Variants in KCNIP4 observed in about 807,000 individuals in gnomAD.
The protein encoded by KCNIP4 is potassium voltage-gated channel interacting protein 4, also known as Kv channel-interacting protein 4.
In KCNIP4, 12 loss-of-function variants were observed where a neutral mutation model predicts 34.0. The observed-to-expected ratio is 0.35, with a 90% CI of 0.23 to 0.57. KCNIP4 has a LOEUF of 0.57. KCNIP4 is among the 20% of genes least tolerant of loss of function. KCNIP4 has a pLI of 0.83. For synonymous variants in KCNIP4, 124 were observed against 102.2 expected (o/e 1.21, Z -1.29); for missense variants, 238 against 311.7 (o/e 0.76, Z 1.78).
At chr4:21,390,517 A>G (rs893073443) in intron 1 of KCNIP4, among the ~76,000 whole-genome samples, 3 of 152,152 alleles carry the variant, frequency 2.0e-5, no homozygotes, top group Non-Finnish European at 2.9e-5. Context: ...AGCTTTCTCC[A>G]TATGGCTAGC....
Position 21,240,591 on chromosome 4 carries a change from G to A in KCNIP4, c.62-357882C>T, listed in dbSNP as rs147878792. On this transcript the variant is annotated intron_variant, in intron 1 of 8. Coordinates refer to ENST00000382152, the MANE Select transcript of KCNIP4 (RefSeq NM_025221.6). ...TTTAGTCTGTTGATGTTGCTTTCTC[G>A]TCCTGAGCTTTGAGTCCTGTTGATT... Among the ~76,000 whole-genome samples the A allele has an allele frequency of 1.5e-3, 230 of 152,064 alleles. 2 individuals are homozygous for A. Among genetic ancestry groups the A allele is most frequent in the East Asian group, 6.2e-3 (32 of 5,138 alleles).
intron 1 of KCNIP4, among the ~76,000 whole-genome samples, chr4:21,837,532 C>CAAAAAAAAAAAAAAAAAAAAAA (rs60449238): frequency 1.4e-4 from 11 of 78,464 alleles, no homozygotes; most frequent in East Asian, 1.0e-3. Context: ...AAAACGCTGT[C>CAAAAAAAAAAAAAAAAAAAAAA]AAAAAAAAAA....
rs192096718 is a variant in KCNIP4 at position 21,788,971 on chromosome 4, G to A, written c.61+159600C>T. 4.4e-4 allele frequency among the ~76,000 whole-genome samples: 67 copies of A among 151,460 alleles called. 1 individual carries two copies. The highest frequency in any genetic ancestry group is 3.4e-3 in the Middle Eastern group (1 of 290). On this transcript the variant is annotated intron_variant, in intron 1 of 8. Transcript: ENST00000382152. ...GTCTGTAGTCTCAACTACTTGGGAGGCTGAGGCAGAAGGATTGCTTGAACC... is the reference window on the plus strand; with the variant it reads ...GTCTGTAGTCTCAACTACTTGGGAGACTGAGGCAGAAGGATTGCTTGAACC...
At chr4:21,920,873 C>CTTTTTTTTTTTTTTTTTTTTTTTTTTT (rs1728899285) in intron 1 of KCNIP4, among the ~76,000 whole-genome samples, 2 of 151,748 alleles carry the variant, frequency 1.3e-5, no homozygotes, top group African/African-American at 4.9e-5. Context: ...TGTACATTTT[C>CTTTTTTTTTTTTTTTTTTTTTTTTTTT]TTTGTTTGCT....
chr4:21,262,368 T>C (rs1761527306), intron 1 of KCNIP4, among the ~76,000 whole-genome samples: 1 of 152,168 alleles, frequency 6.6e-6, no homozygotes, highest in Non-Finnish European at 1.5e-5. Flanking sequence ...TGTTGGAGGA[T>C]GACCTTCAGG....
At chr4:21,221,048 G>A (rs10516376) in intron 1 of KCNIP4, among the ~76,000 whole-genome samples, 9,217 of 152,158 alleles carry the variant, frequency 0.061, 331 homozygotes, top group East Asian at 0.13. Context: ...TACAGATTGG[G>A]CTTTTAAATA....
At chr4:21,215,498 C>A (rs1005690896) in intron 1 of KCNIP4, among the ~76,000 whole-genome samples, 1 of 152,176 alleles carries the variant, frequency 6.6e-6, no homozygotes, top group Non-Finnish European at 1.5e-5. Flanking sequence ...TTCTCAGAAG[C>A]CTTTCTGGAC....
At chr4:21,900,476 C>G (rs1476287592) in intron 1 of KCNIP4, among the ~76,000 whole-genome samples, 1 of 152,168 alleles carries the variant, frequency 6.6e-6, no homozygotes, top group African/African-American at 2.4e-5. Context: ...TCTTGCCTGG[C>G]TCCCTAAAAT....
At chr4:21,475,752 G>C (rs1730897521) in intron 1 of KCNIP4, among the ~76,000 whole-genome samples, 1 of 152,132 alleles carries the variant, frequency 6.6e-6, no homozygotes, top group Non-Finnish European at 1.5e-5. Flanking sequence ...TCTAGTTAAA[G>C]ACTATTCATA....
chr4:20,826,362 C>T (rs1443658931), intron 3 of KCNIP4, among the ~76,000 whole-genome samples: 2 of 152,004 alleles, frequency 1.3e-5, no homozygotes, highest in Middle Eastern at 3.2e-3. Flanking sequence ...ATTGCTTGAG[C>T]CTAGGAGTTT....
At chr4:21,889,901 T>C (rs1560790087) in intron 1 of KCNIP4, among the ~76,000 whole-genome samples, 1 of 152,172 alleles carries the variant, frequency 6.6e-6, no homozygotes, top group African/African-American at 2.4e-5. Context: ...CAGAGTCTTG[T>C]ATATTTGCTC....
intron 1 of KCNIP4, among the ~76,000 whole-genome samples, chr4:21,605,671 G>A (rs1437813876): frequency 6.6e-6 from 1 of 151,990 alleles, no homozygotes; most frequent in Non-Finnish European, 1.5e-5. Context: ...AGTAGAGATG[G>A]GGTTTCACCA....
At chr4:21,176,276 TG>T (rs1206006425) in intron 1 of KCNIP4, among the ~76,000 whole-genome samples, 1 of 152,184 alleles carries the variant, frequency 6.6e-6, no homozygotes, top group Non-Finnish European at 1.5e-5. Context: ...GTGAGAAAGC[TG>T]GACTAGATTC....
At chr4:21,059,756 T>C (rs1422473017) in intron 1 of KCNIP4, among the ~76,000 whole-genome samples, 1 of 152,142 alleles carries the variant, frequency 6.6e-6, no homozygotes, top group Non-Finnish European at 1.5e-5. Flanking sequence ...GAAAAATGAA[T>C]AATTACTAAT....
intron 3 of KCNIP4, among the ~76,000 whole-genome samples, chr4:20,822,399 T>G (rs144942925): frequency 2.6e-4 from 39 of 152,230 alleles, no homozygotes; most frequent in African/African-American, 7.9e-4. Context: ...AGAATGGCCA[T>G]AATTAAGAAG....
Position 21,425,515 on chromosome 4 carries a change from A to T in KCNIP4, c.61+523056T>A, listed in dbSNP as rs1295151870. 2.0e-5 allele frequency among the ~76,000 whole-genome samples: 3 copies of T among 152,202 alleles called. No homozygotes were observed. The East Asian group carries it at 5.8e-4, about 29-fold the overall frequency. On this transcript the variant is annotated intron_variant, in intron 1 of 8. Coordinates refer to ENST00000382152, the MANE Select transcript of KCNIP4 (RefSeq NM_025221.6). ...GTAAGAATTTATTTAAGTAAAAGTAATCCTTTAAAGAATGGAGTATGAAAA... is the reference window on the plus strand; with the variant it reads ...GTAAGAATTTATTTAAGTAAAAGTATTCCTTTAAAGAATGGAGTATGAAAA...
At chr4:20,758,142 G>C (rs1237687178) in intron 4 of KCNIP4, among the ~76,000 whole-genome samples, 1 of 152,096 alleles carries the variant, frequency 6.6e-6, no homozygotes, top group Non-Finnish European at 1.5e-5. Context: ...GCATCTGTTA[G>C]GTAATTGAAA....
intron 1 of KCNIP4, among the ~76,000 whole-genome samples, chr4:21,938,289 T>C (rs749840497): frequency 6.6e-6 from 1 of 152,178 alleles, no homozygotes; most frequent in Non-Finnish European, 1.5e-5. Context: ...TTTGAAGTTC[T>C]AATTTTCATC....
At chr4:21,338,517 G>T (rs1716413442) in intron 1 of KCNIP4, among the ~76,000 whole-genome samples, 1 of 151,578 alleles carries the variant, frequency 6.6e-6, no homozygotes, top group Non-Finnish European at 1.5e-5. Flanking sequence ...TGAGGCAGGA[G>T]AATGGCTTGA....
Sources: gnomAD v4.1 joint callset for allele counts (sites outside exome capture counted in the v4.1 genomes callset) on GRCh38, gnomAD v4.1.1 for gene constraint, MANE v1.5 for transcripts, NCBI Gene and HGNC (gene_info 2026-07-23, HGNC 2026-07-21) for gene names.